DCX: variants seen among roughly 807,000 people sequenced by gnomAD.
DCX encodes doublecortin.
In DCX, 4 loss-of-function variants were observed where a neutral mutation model predicts 20.9. The observed-to-expected ratio is 0.19, with a 90% CI of 0.09 to 0.44. DCX has a LOEUF of 0.44. Among genes scored for constraint, DCX ranks in the 20% least tolerant of loss-of-function variants. The probability of loss-of-function intolerance (pLI) is 0.99; values close to 1 mark genes in which losing one functional copy is unlikely to be tolerated. For synonymous variants in DCX, 103 were observed against 111.4 expected, an observed-to-expected ratio of 0.92 and a Z score of 0.47; for missense variants, 133 against 296.9, an observed-to-expected ratio of 0.45 and a Z score of 4.06.
Position 111,300,610 on chromosome X carries a change from C to A in DCX, c.*1077G>T, listed in dbSNP as rs992404407. 2.0e-5 allele frequency: 2 copies of A among 98,144 alleles called. No individual in the cohort carries two copies. The highest frequency in any genetic ancestry group is 4.0e-5 in the Non-Finnish European group (2 of 49,776). 8.1% of individuals were successfully genotyped at this position (98,144 alleles called of 1,213,427 possible). On this transcript the variant is annotated 3_prime_UTR_variant, in exon 7 of 7. Coordinates refer to ENST00000636035, the MANE Select transcript of DCX (RefSeq NM_001195553.2). ...AGCATAATTTCTAAACTACATTATT[C>A]TTCTGCTTTTTTTTTTTTTTTTGGT...
chrX:111,409,256 G>GT (rs1388644601), intron 2 of DCX, among the ~76,000 whole-genome samples: 2 of 111,696 alleles, frequency 1.8e-5, no homozygotes, highest in African/African-American at 6.5e-5. Flanking sequence ...CTATGGCTGG[G>GT]TAAGTTCTGG....
rs1350610791 is a variant in DCX, at chrX:111,300,191, C to T, written c.*1496G>A. 1.8e-5 allele frequency: 2 copies of T among 111,864 alleles called. No individual in the cohort carries two copies. Among genetic ancestry groups the T allele is most frequent in the Non-Finnish European group, 3.8e-5 (2 of 53,180 alleles). The allele number at this position is 111,864 out of a possible 1,213,427, so 9.2% of individuals were successfully genotyped here. On this transcript the variant is annotated 3_prime_UTR_variant, in exon 7 of 7. Coordinates refer to ENST00000636035, the MANE Select transcript of DCX (RefSeq NM_001195553.2). The stretch of plus-strand genomic sequence containing the variant: ...TCTTCATATCTGCTAAAAGCAAACA[C>T]AGAATTGGCATGCATGACCTTCACT...
chrX:111,384,365 T>C (rs1926212232), intron 3 of DCX, among the ~76,000 whole-genome samples: 1 of 111,365 alleles, frequency 9.0e-6, no homozygotes, highest in Non-Finnish European at 1.9e-5. Context: ...ATATATATAT[T>C]GAGCATATAC....
At chrX:111,371,272 C>A (rs1354788800) in intron 3 of DCX, among the ~76,000 whole-genome samples, 1 of 112,203 alleles carries the variant, frequency 8.9e-6, no homozygotes, top group African/African-American at 3.2e-5. Flanking sequence ...AACACCCATC[C>A]CTGCCCCTGA....
intron 6 of DCX, among the ~76,000 whole-genome samples, chrX:111,306,582 C>T (rs1428976004): frequency 1.8e-5 from 2 of 111,338 alleles, no homozygotes; most frequent in South Asian, 3.8e-4. Flanking sequence ...AAATACACAT[C>T]TATGGAATAT....
chrX:111,387,368 G>A (rs1276118705), intron 3 of DCX, among the ~76,000 whole-genome samples: 1 of 112,132 alleles, frequency 8.9e-6, no homozygotes, highest in African/African-American at 3.2e-5. Context: ...AAAGGCAAAA[G>A]TGCCTAGGGC....
chrX:111,331,074 G>A (rs377386952), intron 4 of DCX, 33 bp from the exon 5 acceptor site: 22 of 1,203,185 alleles, frequency 1.8e-5, no homozygotes, highest in Non-Finnish European at 2.2e-5. Context: ...GCTTAGTAGA[G>A]GATAAAACAG....
intron 3 of DCX, among the ~76,000 whole-genome samples, chrX:111,390,193 G>A (rs1327047463): frequency 9.0e-6 from 1 of 111,568 alleles, no homozygotes; most frequent in East Asian, 2.8e-4. Flanking sequence ...ACCTTTAGAA[G>A]CTGAAAACAT....
At position 111,301,633 on chromosome X, in the gene DCX, A is replaced by C; in HGVS notation, c.*54T>G. Reference sequence around the variant, plus strand: ...TTGGACACTTGAGCAGAAGTACCCTACTACAATGATAGGCTTGGATTTGTA... The same window carrying C: ...TTGGACACTTGAGCAGAAGTACCCTCCTACAATGATAGGCTTGGATTTGTA... On this transcript the variant is annotated 3_prime_UTR_variant, in exon 7 of 7. Coordinates refer to ENST00000636035, the MANE Select transcript of DCX (RefSeq NM_001195553.2). 1.2e-5 allele frequency: 14 copies of C among 1,131,166 alleles called. No individual in the cohort carries two copies. Among genetic ancestry groups the C allele is most frequent in the Non-Finnish European group, 1.5e-5 (12 of 821,989 alleles). The allele number at this position is 1,131,166 out of a possible 1,213,427, so 93.2% of individuals were successfully genotyped here. A position where few individuals can be genotyped will look rare whatever the true frequency, so the allele number is the denominator to read the frequency against.
intron 3 of DCX, among the ~76,000 whole-genome samples, chrX:111,364,046 C>A (rs759910966): frequency 9.0e-6 from 1 of 111,717 alleles, no homozygotes; most frequent in African/African-American, 3.3e-5. Flanking sequence ...GGCACACAGG[C>A]CAGAGAAACA....
intron 3 of DCX, among the ~76,000 whole-genome samples, chrX:111,363,521 C>G (rs1241526576): frequency 9.3e-6 from 1 of 107,494 alleles, no homozygotes; most frequent in Non-Finnish European, 1.9e-5. Context: ...CCAATCTGGC[C>G]AAAGCCTTGT....
chrX:111,392,759 A>G (rs1927048042), intron 3 of DCX, among the ~76,000 whole-genome samples: 1 of 111,930 alleles, frequency 8.9e-6, no homozygotes, highest in South Asian at 3.8e-4. Context: ...CACTTTGAAT[A>G]AGCAAAATAT....
Position 111,301,354 on chromosome X carries a change from T to G in DCX, c.*333A>C, listed in dbSNP as rs2095033508. 1 of 294,143 alleles carries G rather than the reference T, an allele frequency of 3.4e-6. No homozygotes were observed. Among genetic ancestry groups the G allele is most frequent in the African/African-American group, 2.7e-5 (1 of 37,047 alleles). 24.2% of individuals were successfully genotyped at this position (294,143 alleles called of 1,213,427 possible). ...AAACAGCCCTCTACAGAAGGAAGACTGTATGGGCAAAATTAGACAGGGCAA... is the reference window on the plus strand; with the variant it reads ...AAACAGCCCTCTACAGAAGGAAGACGGTATGGGCAAAATTAGACAGGGCAA... On this transcript the variant is annotated 3_prime_UTR_variant, in exon 7 of 7. Transcript: ENST00000636035.
chrX:111,300,107 C>T lies in DCX; in HGVS notation c.*1580G>A, dbSNP rs1194938131. The T allele has an allele frequency of 8.9e-6, 1 of 112,211 alleles. No individual in the cohort carries two copies. Among genetic ancestry groups the T allele is most frequent in the Admixed American group, 9.4e-5 (1 of 10,594 alleles). The allele number at this position is 112,211 out of a possible 1,213,427, so 9.2% of individuals were successfully genotyped here. ...AAGCCATTCAGTAGCCAAACAGCAG[C>T]TTGGCTTCGAATGCTGTGCCTTTCA... On this transcript the variant is annotated 3_prime_UTR_variant, in exon 7 of 7. Coordinates refer to ENST00000636035, the MANE Select transcript of DCX (RefSeq NM_001195553.2).
At chrX:111,376,803 T>C (rs1055913998) in intron 3 of DCX, among the ~76,000 whole-genome samples, 2 of 111,869 alleles carry the variant, frequency 1.8e-5, no homozygotes, top group Non-Finnish European at 3.8e-5. Flanking sequence ...CAACCTCTGT[T>C]CGCGTTTCTA....
At chrX:111,334,231 T>A (rs1921520346) in intron 3 of DCX, among the ~76,000 whole-genome samples, 1 of 111,982 alleles carries the variant, frequency 8.9e-6, no homozygotes, top group Non-Finnish European at 1.9e-5. Context: ...ATCAAAACGA[T>A]TGCAAGCCTT....
At chrX:111,341,339 G>A (rs1400542462) in intron 3 of DCX, among the ~76,000 whole-genome samples, 1 of 110,424 alleles carries the variant, frequency 9.1e-6, no homozygotes, top group African/African-American at 3.3e-5. Context: ...AGAATGAAAA[G>A]GAATGAACAA....
chrX:111,330,690 C>A (rs762668357), intron 5 of DCX, among the ~76,000 whole-genome samples: 1 of 111,879 alleles, frequency 8.9e-6, no homozygotes, highest in Non-Finnish European at 1.9e-5. Context: ...AGACAATGGG[C>A]CAGGCTTCTG....
At chrX:111,376,443 C>A (rs1925540402) in intron 3 of DCX, among the ~76,000 whole-genome samples, 1 of 111,503 alleles carries the variant, frequency 9.0e-6, no homozygotes, top group African/African-American at 3.3e-5. Flanking sequence ...ATATAGAGCC[C>A]AAAAAGAACT....
Sources: gnomAD v4.1 joint callset for allele counts (sites outside exome capture counted in the v4.1 genomes callset) on GRCh38, gnomAD v4.1.1 for gene constraint, MANE v1.5 for transcripts, NCBI Gene and HGNC (gene_info 2026-07-23, HGNC 2026-07-21) for gene names.